DOCK8: variants seen among roughly 807,000 people sequenced by gnomAD.
The protein encoded by DOCK8 is dedicator of cytokinesis protein 8.
In DOCK8, 141 loss-of-function variants were observed where a neutral mutation model predicts 245.6. The observed-to-expected ratio is 0.57, with a 90% CI of 0.50 to 0.66. DOCK8 has a LOEUF of 0.66. DOCK8 is among the 30% of genes least tolerant of loss of function. DOCK8 has a pLI of 0.00. For synonymous variants in DOCK8, 1,168 were observed against 970.2 expected, an observed-to-expected ratio of 1.20 and a Z score of -3.79; for missense variants, 2,965 against 2,603.4, an observed-to-expected ratio of 1.14 and a Z score of -3.02.
intron 40 of DOCK8, among the ~76,000 whole-genome samples, chr9:439,900 C>A (rs2131798960): frequency 6.6e-6 from 1 of 152,288 alleles, no homozygotes; most frequent in East Asian, 1.9e-4. Flanking sequence ...GCACAGAAAC[C>A]ACTGAGACTC....
At chr9:409,461 A>G (rs1167849126) in intron 28 of DOCK8, among the ~76,000 whole-genome samples, 1 of 152,230 alleles carries the variant, frequency 6.6e-6, no homozygotes, top group Non-Finnish European at 1.5e-5. Flanking sequence ...ACAGTGCAAG[A>G]GTCTGAGTCA....
chr9:373,446 T>C (rs2053386062), intron 18 of DOCK8, among the ~76,000 whole-genome samples: 1 of 152,252 alleles, frequency 6.6e-6, no homozygotes, highest in Admixed American at 6.5e-5. Flanking sequence ...AAATTTTTAA[T>C]TATCCCACTA....
At chr9:327,484 C>T (rs1315612748) in intron 8 of DOCK8, among the ~76,000 whole-genome samples, 1 of 151,332 alleles carries the variant, frequency 6.6e-6, no homozygotes, top group Admixed American at 6.6e-5. Flanking sequence ...CCCTCTGCCT[C>T]CCGGGTTCAA....
chr9:355,562 T>G (rs2052397394), intron 14 of DOCK8, among the ~76,000 whole-genome samples: 1 of 151,906 alleles, frequency 6.6e-6, no homozygotes, highest in South Asian at 2.1e-4. Flanking sequence ...GAAAAAAAAA[T>G]AGCCACTCCT....
Position 441,399 on chromosome 9 carries a change from C to T in DOCK8, c.5337C>T (p.Phe1779=), listed in dbSNP as rs149082704. The stretch of plus-strand genomic sequence containing the variant: ...CTCACAGCAAGCTGCAGAGAGCCTT[C>T]GACAGCATCGTTAACAAGGTAGCCG... ...TLTHSKLQRA[F]DSIVNKDHKR... The change falls in exon 41 of 48, where the codon TTC becomes TTT. Residue 1779 remains phenylalanine (F), a synonymous_variant. Coordinates refer to ENST00000432829, the MANE Select transcript of DOCK8 (RefSeq NM_203447.4). The T allele has an allele frequency of 3.9e-5, 63 of 1,614,214 alleles. No homozygotes were observed. The African/African-American group carries it at 6.0e-4, about 15-fold the overall frequency.
chr9:215,960 A>G (rs889563260), intron 1 of DOCK8, among the ~76,000 whole-genome samples: 8 of 152,188 alleles, frequency 5.3e-5, no homozygotes, highest in Non-Finnish European at 1.2e-4. Context: ...GTTAATCTTC[A>G]CTTAGCTGAG....
chr9:233,583 G>A (rs1208843129), intron 1 of DOCK8, among the ~76,000 whole-genome samples: 1 of 151,730 alleles, frequency 6.6e-6, no homozygotes, highest in Non-Finnish European at 1.5e-5. Context: ...GGGTGCTCCT[G>A]TATTGGGTGC....
chr9:442,057 C>G (rs954422347), intron 42 of DOCK8, 48 bp downstream of exon 42: 3 of 1,610,634 alleles, frequency 1.9e-6, no homozygotes, highest in African/African-American at 1.3e-5. Context: ...TTTACAAAAA[C>G]AAGTTAGAGT....
upstream of DOCK8, chr9:214,199 T>C: frequency 2.7e-6 from 1 of 374,092 alleles, no homozygotes; most frequent in East Asian, 6.6e-5. Flanking sequence ...GAGGCCGGGC[T>C]TCTTAGCAGA....
At chr9:309,141 A>T (rs1040329233) in intron 5 of DOCK8, among the ~76,000 whole-genome samples, 8 of 152,214 alleles carry the variant, frequency 5.3e-5, no homozygotes, top group African/African-American at 1.7e-4. Flanking sequence ...ATAAATTCTT[A>T]GAAGTGAAAT....
intron 1 of DOCK8, among the ~76,000 whole-genome samples, chr9:265,693 T>C (rs187728320): frequency 6.6e-6 from 1 of 152,296 alleles, no homozygotes; most frequent in African/African-American, 2.4e-5. Flanking sequence ...TGAAAGAATT[T>C]TCCTTGAGGG....
intron 1 of DOCK8, among the ~76,000 whole-genome samples, chr9:244,187 G>GAAA (rs60148430): frequency 4.5e-5 from 4 of 88,422 alleles, no homozygotes; most frequent in African/African-American, 9.1e-5. Flanking sequence ...GACTCCGTCT[G>GAAA]AAAAAAAAAA....
intron 1 of DOCK8, among the ~76,000 whole-genome samples, chr9:244,034 AAAAT>A (rs1454370810): frequency 1.3e-5 from 2 of 151,830 alleles, no homozygotes. Context: ...AATACAAAAA[AAAAT>A]TTAGCCGGGC....
At chr9:326,416 G>A (rs530674930) in intron 8 of DOCK8, among the ~76,000 whole-genome samples, 11 of 152,282 alleles carry the variant, frequency 7.2e-5, no homozygotes, top group African/African-American at 2.6e-4. Flanking sequence ...GTGGTTTAAA[G>A]CAGTAGTTCT....
chr9:426,465 G>T (rs1303424812), intron 33 of DOCK8, among the ~76,000 whole-genome samples: 1 of 152,136 alleles, frequency 6.6e-6, no homozygotes, highest in Admixed American at 6.6e-5. Context: ...ATCACATCCA[G>T]TCTCACTCTC....
upstream of DOCK8, chr9:214,399 A>G: frequency 1.1e-6 from 1 of 950,368 alleles, no homozygotes; most frequent in South Asian, 1.6e-5. Context: ...GATGATGGGC[A>G]TATTGCTTGC....
At chr9:253,783 C>T (rs1403481574) in intron 1 of DOCK8, among the ~76,000 whole-genome samples, 3 of 152,106 alleles carry the variant, frequency 2.0e-5, no homozygotes, top group Admixed American at 6.6e-5. Context: ...GATTTTTTCC[C>T]CTAAAATCTT....
chr9:397,954 A>T (rs1426864854), intron 25 of DOCK8, among the ~76,000 whole-genome samples: 1 of 150,846 alleles, frequency 6.6e-6, no homozygotes, highest in South Asian at 2.1e-4. Context: ...GCTAAAACAT[A>T]TATAAAATGG....
At chr9:404,387 G>C (rs925382361) in intron 26 of DOCK8, among the ~76,000 whole-genome samples, 1 of 151,842 alleles carries the variant, frequency 6.6e-6, no homozygotes, top group African/African-American at 2.4e-5. Context: ...TGAGTTTTTT[G>C]CAGGTACTAT....
Sources: gnomAD v4.1 joint callset for allele counts (sites outside exome capture counted in the v4.1 genomes callset) on GRCh38, gnomAD v4.1.1 for gene constraint, MANE v1.5 for transcripts, NCBI Gene and HGNC (gene_info 2026-07-23, HGNC 2026-07-21) for gene names.